Variants in TRIM24 observed in about 807,000 individuals in gnomAD.
The protein encoded by TRIM24 is tripartite motif containing 24.
In TRIM24, 29 loss-of-function variants were observed where a neutral mutation model predicts 123.9. The observed-to-expected ratio is 0.23, with a 90% CI of 0.17 to 0.32. The LOEUF is 0.32. Ranked by LOEUF, TRIM24 falls within the 10% of genes least tolerant of loss-of-function variation. TRIM24 has a pLI of 1.00. For synonymous variants in TRIM24, 456 were observed against 461.1 expected (o/e 0.99, Z 0.14); for missense variants, 932 against 1,295.3 (o/e 0.72, Z 4.31).
intron 4 of TRIM24, among the ~76,000 whole-genome samples, chr7:138,519,669 C>T (rs1487432977): frequency 6.6e-6 from 1 of 152,118 alleles, no homozygotes; most frequent in Non-Finnish European, 1.5e-5. Context: ...AGAACACTGG[C>T]CAACACACTG....
intron 1 of TRIM24, among the ~76,000 whole-genome samples, chr7:138,487,697 A>G (rs1380735482): frequency 6.6e-6 from 1 of 152,068 alleles, no homozygotes; most frequent in Non-Finnish European, 1.5e-5. Flanking sequence ...GATGAAGCCC[A>G]CTTGATCTTG....
intron 2 of TRIM24, among the ~76,000 whole-genome samples, chr7:138,504,980 C>T (rs182783779): frequency 2.0e-5 from 3 of 151,768 alleles, no homozygotes; most frequent in Non-Finnish European, 4.4e-5. Flanking sequence ...AGGCTGGTCT[C>T]GAACTCCTGA....
chr7:138,534,074 T>C (rs1322363338), intron 6 of TRIM24, among the ~76,000 whole-genome samples: 1 of 152,156 alleles, frequency 6.6e-6, no homozygotes, highest in African/African-American at 2.4e-5. Flanking sequence ...CCCTTTAACA[T>C]TTTTTATTGC....
chr7:138,530,467 A>T (rs1318928285), intron 6 of TRIM24, among the ~76,000 whole-genome samples: 1 of 151,808 alleles, frequency 6.6e-6, no homozygotes, highest in Non-Finnish European at 1.5e-5. Context: ...TCTTAAAATT[A>T]AAAAAAAATT....
intron 1 of TRIM24, among the ~76,000 whole-genome samples, chr7:138,474,036 G>C (rs1438250148): frequency 6.6e-6 from 1 of 152,028 alleles, no homozygotes; most frequent in Admixed American, 6.5e-5. Flanking sequence ...CTCCCAAAGT[G>C]CTAGGATTAC....
chr7:138,512,913 G>A (rs1404130186), intron 2 of TRIM24, among the ~76,000 whole-genome samples: 2 of 152,108 alleles, frequency 1.3e-5, no homozygotes, highest in Non-Finnish European at 2.9e-5. Context: ...GCTTCCCTTT[G>A]AAATATCTAA....
At chr7:138,573,415 ATTAT>A (rs869296579) in intron 11 of TRIM24, 88 bp from the exon 12 acceptor site, 1 of 551,150 alleles carries the variant, frequency 1.8e-6, no homozygotes, top group South Asian at 6.1e-5. Context: ...TTCGATAATA[ATTAT>A]TAAGTTATTG....
Position 138,489,256 on chromosome 7 carries a change from G to C in TRIM24, c.365-15034G>C, listed in dbSNP as rs572100846. Among the ~76,000 whole-genome samples the C allele has an allele frequency of 6.9e-4, 105 of 152,232 alleles. 2 individuals carry two copies. The South Asian group carries it at 9.8e-3, about 14-fold the overall frequency. On this transcript the variant is annotated intron_variant, in intron 1 of 18. Transcript: ENST00000343526. ...CTATGTGTGTCTGTGCACGTGAGAT[G>C]GGTCTCCCGAATATAGCACACTGAT...
At chr7:138,469,411 C>G (rs1038364299) in intron 1 of TRIM24, among the ~76,000 whole-genome samples, 1 of 151,026 alleles carries the variant, frequency 6.6e-6, no homozygotes, top group African/African-American at 2.4e-5. Flanking sequence ...CCGGTTCAAA[C>G]AATTCTCCTG....
chr7:138,527,037 G>A (rs904876927), intron 5 of TRIM24, among the ~76,000 whole-genome samples: 1 of 151,578 alleles, frequency 6.6e-6, no homozygotes, highest in Non-Finnish European at 1.5e-5. Flanking sequence ...TATGGTCAAA[G>A]TTTACATTTT....
rs1347630821 is a variant in TRIM24, at chr7:138,587,837, G to A, written c.*2886G>A. 2.6e-5 allele frequency: 4 copies of A among 152,144 alleles called. No individual in the cohort carries two copies. The highest frequency in any genetic ancestry group is 9.7e-5 in the African/African-American group (4 of 41,426). 9.4% of individuals were successfully genotyped at this position (152,144 alleles called of 1,614,324 possible). A position where few individuals can be genotyped will look rare whatever the true frequency, so the allele number is the denominator to read the frequency against. The stretch of plus-strand genomic sequence containing the variant: ...AAGTACTTGACCAGTGATATATATG[G>A]CCATGGCAAAAGTATAAATGGATGG... On this transcript the variant is annotated 3_prime_UTR_variant, in exon 19 of 19. Coordinates refer to ENST00000343526, the MANE Select transcript of TRIM24 (RefSeq NM_015905.3).
intron 7 of TRIM24, among the ~76,000 whole-genome samples, chr7:138,548,782 G>T (rs1797153572): frequency 1.3e-5 from 2 of 151,944 alleles, no homozygotes; most frequent in African/African-American, 4.8e-5. Context: ...ATAAGCTTAG[G>T]TATTTATTTG....
intron 1 of TRIM24, among the ~76,000 whole-genome samples, chr7:138,502,790 C>G (rs1239408859): frequency 6.6e-6 from 1 of 152,140 alleles, no homozygotes; most frequent in Non-Finnish European, 1.5e-5. Flanking sequence ...TTAGATAGAT[C>G]TTCCATCTTG....
chr7:138,577,493 C>A lies in TRIM24; in HGVS notation c.2161C>A (p.Arg721=), dbSNP rs201997143. Residue 721 remains arginine, a synonymous_variant, in exon 14 of 19, where the codon CGA becomes AGA. Transcript: ENST00000343526. ...KVPVVMLEPI[R]IKQENSGPPE... is the part of the protein sequence containing the mutation. ...CCCAGTGGTCATGCTGGAGCCAATTCGAATAAAACAAGAAAACAGTGGACC... is the reference window on the plus strand; with the variant it reads ...CCCAGTGGTCATGCTGGAGCCAATTAGAATAAAACAAGAAAACAGTGGACC... 1 of 1,610,036 alleles carries A rather than the reference C, an allele frequency of 6.2e-7. No homozygotes were observed. The highest frequency in any genetic ancestry group is 2.2e-5 in the East Asian group (1 of 44,450).
At chr7:138,461,133 C>G (rs1794958476) in intron 1 of TRIM24, 1 of 694,152 alleles carries the variant, frequency 1.4e-6, no homozygotes, top group African/African-American at 1.8e-5. Context: ...TGGACTTGAC[C>G]GCGCCGCCGC....
chr7:138,571,390 C>G (rs1429590535), intron 11 of TRIM24, among the ~76,000 whole-genome samples: 3 of 152,076 alleles, frequency 2.0e-5, no homozygotes, highest in Non-Finnish European at 4.4e-5. Context: ...AATTTTAATC[C>G]TTTAGAATAT....
At chr7:138,555,037 C>T (rs1015898976) in intron 9 of TRIM24, 71 bp downstream of exon 9, 5 of 1,445,812 alleles carry the variant, frequency 3.5e-6, no homozygotes, top group Non-Finnish European at 4.7e-6. Flanking sequence ...CTCAAAATAA[C>T]AAAGACATCC....
intron 7 of TRIM24, 65 bp downstream of exon 7, chr7:138,538,868 A>T: frequency 2.2e-6 from 3 of 1,366,884 alleles, no homozygotes; most frequent in Non-Finnish European, 3.0e-6. Context: ...AGCCATTGTA[A>T]TGCTTAAAAT....
rs1347520952 is a variant in TRIM24 at position 138,585,459 on chromosome 7, T to TGGTA, written c.*509_*512dup. 3.4e-6 allele frequency: 1 copy of TGGTA among 295,520 alleles called. No homozygotes were observed. Among genetic ancestry groups the TGGTA allele is most frequent in the Non-Finnish European group, 6.4e-6 (1 of 155,536 alleles). 18.3% of individuals were successfully genotyped at this position (295,520 alleles called of 1,614,324 possible). ...AAGAACAGTACTCCACAAACATGGGTGGTAACAAGAGTTCCATCCCAGGAG... is the reference window on the plus strand; with the variant it reads ...AAGAACAGTACTCCACAAACATGGGTGGTAGGTAACAAGAGTTCCATCCCAGGAG... On this transcript the variant is annotated 3_prime_UTR_variant, in exon 19 of 19. Coordinates refer to ENST00000343526, the MANE Select transcript of TRIM24 (RefSeq NM_015905.3).
Sources: allele counts gnomAD v4.1 joint callset (sites outside exome capture counted in the v4.1 genomes callset), GRCh38; gene constraint gnomAD v4.1.1; transcripts MANE v1.5; gene names NCBI Gene and HGNC (gene_info 2026-07-23, HGNC 2026-07-21).